CNOT6: variants seen among roughly 807,000 people sequenced by gnomAD.
CNOT6 encodes CCR4-NOT transcription complex subunit 6.
CNOT6 carries 12 observed loss-of-function variants against 61.2 expected under a neutral mutation model. The ratio of observed to expected loss-of-function variants is 0.20; its 90% CI spans 0.13 to 0.32. The LOEUF is 0.32. Ranked by LOEUF, CNOT6 falls within the 10% of genes least tolerant of loss-of-function variation. CNOT6 has a pLI of 1.00. For synonymous variants in CNOT6, 225 were observed against 240.6 expected (o/e 0.94, Z 0.60); for missense variants, 405 against 663.9 (o/e 0.61, Z 4.28).
At chr5:180,532,506 A>G (rs555833676) in intron 2 of CNOT6, among the ~76,000 whole-genome samples, 21 of 152,198 alleles carry the variant, frequency 1.4e-4, no homozygotes, top group African/African-American at 4.6e-4. Flanking sequence ...CCCTCAACCC[A>G]TGTTTTTTCT....
chr5:180,505,422 A>C (rs886801420), intron 1 of CNOT6, among the ~76,000 whole-genome samples: 2 of 132,292 alleles, frequency 1.5e-5, no homozygotes, highest in African/African-American at 5.9e-5. Flanking sequence ...CACCCAGCTA[A>C]TTTTTTTTGT....
At chr5:180,502,481 C>T (rs1252737999) in intron 1 of CNOT6, among the ~76,000 whole-genome samples, 1 of 152,188 alleles carries the variant, frequency 6.6e-6, no homozygotes, top group Non-Finnish European at 1.5e-5. Flanking sequence ...ATGCCATATA[C>T]TAGGTTTGCA....
chr5:180,496,699 C>G (rs1756628707), intron 1 of CNOT6, among the ~76,000 whole-genome samples: 1 of 152,150 alleles, frequency 6.6e-6, no homozygotes, highest in African/African-American at 2.4e-5. Context: ...TGATAACTGT[C>G]ACAACGTAGT....
At chr5:180,520,555 T>A (rs1757834445) in intron 1 of CNOT6, among the ~76,000 whole-genome samples, 2 of 151,878 alleles carry the variant, frequency 1.3e-5, no homozygotes, top group African/African-American at 4.8e-5. Context: ...GGCAGGAGAA[T>A]CGCTTGAACC....
chr5:180,526,857 TA>T (rs1213162884), intron 1 of CNOT6, among the ~76,000 whole-genome samples: 1 of 150,776 alleles, frequency 6.6e-6, no homozygotes, highest in Non-Finnish European at 1.5e-5. Context: ...GACAAGAATT[TA>T]AAAAAATCAC....
chr5:180,544,956 C>G (rs903807710), intron 2 of CNOT6, among the ~76,000 whole-genome samples: 3 of 152,074 alleles, frequency 2.0e-5, no homozygotes, highest in African/African-American at 7.2e-5. Context: ...GAATGAGACC[C>G]TGTCTCAAAA....
At chr5:180,526,018 G>A (rs1013612025) in intron 1 of CNOT6, among the ~76,000 whole-genome samples, 2 of 152,146 alleles carry the variant, frequency 1.3e-5, no homozygotes, top group Admixed American at 1.3e-4. Flanking sequence ...CTGCAGCTTT[G>A]AACTCCTGGA....
intron 1 of CNOT6, among the ~76,000 whole-genome samples, chr5:180,509,096 A>G (rs967817450): frequency 2.0e-5 from 3 of 152,144 alleles, no homozygotes; most frequent in Admixed American, 6.6e-5. Flanking sequence ...CTGTGATTAC[A>G]GGTGTGAGCC....
chr5:180,537,971 T>C (rs903080836), intron 2 of CNOT6, among the ~76,000 whole-genome samples: 10 of 152,054 alleles, frequency 6.6e-5, no homozygotes, highest in Non-Finnish European at 1.5e-4. Context: ...ACCCAGCACT[T>C]TGAGAGGCCA....
Position 180,574,494 on chromosome 5 carries a change from A to G in CNOT6, c.*294A>G. 1 of 436,900 alleles carries G rather than the reference A, an allele frequency of 2.3e-6. No homozygotes were observed. The highest frequency in any genetic ancestry group is 4.2e-6 in the Non-Finnish European group (1 of 238,204). 27.1% of individuals were successfully genotyped at this position (436,900 alleles called of 1,614,324 possible). A position where few individuals can be genotyped will look rare whatever the true frequency, so the allele number is the denominator to read the frequency against. ...CAATAGAATATTTTCATGCCTGGAA[A>G]TAGGAAAATGTGTGAACAGCGTATT... On this transcript the variant is annotated 3_prime_UTR_variant, in exon 12 of 12. Transcript: ENST00000261951.
Position 180,574,147 on chromosome 5 carries a change from T to C in CNOT6, c.1621T>C (p.Leu541=). ...HFSLFAQLEL[L]LPFLPQVNGI... ...CTCACTTTTTGCACAACTGGAGCTC[T>C]TACTGCCTTTCCTGCCCCAAGTCAA... is the stretch of plus-strand genomic sequence containing the variant. Residue 541 remains leucine (L), a synonymous_variant, in exon 12 of 12, where the codon TTA becomes CTA. Coordinates refer to ENST00000261951, the MANE Select transcript of CNOT6 (RefSeq NM_001370472.1). The C allele has an allele frequency of 6.2e-7, 1 of 1,613,952 alleles. No individual in the cohort carries two copies. Among genetic ancestry groups the C allele is most frequent in the Non-Finnish European group, 8.5e-7 (1 of 1,179,872 alleles).
chr5:180,562,057 G>A (rs1364943863), intron 4 of CNOT6, among the ~76,000 whole-genome samples: 2 of 152,114 alleles, frequency 1.3e-5, no homozygotes, highest in Non-Finnish European at 2.9e-5. Context: ...CTTTTGTTGG[G>A]ATTCTTTTGG....
At chr5:180,531,733 G>A (rs182703623) in intron 2 of CNOT6, among the ~76,000 whole-genome samples, 309 of 152,334 alleles carry the variant, frequency 2.0e-3, no homozygotes, top group Middle Eastern at 0.014. Context: ...CTGTAATCCC[G>A]GCACCTCGGG....
At chr5:180,526,498 AAGTC>A (rs377624576) in intron 1 of CNOT6, among the ~76,000 whole-genome samples, 181 of 152,298 alleles carry the variant, frequency 1.2e-3, no homozygotes, top group African/African-American at 3.9e-3. Context: ...TTCACTGCGA[AAGTC>A]AGGTCATCAG....
chr5:180,525,408 G>A (rs781571415), intron 1 of CNOT6, among the ~76,000 whole-genome samples: 2 of 151,886 alleles, frequency 1.3e-5, no homozygotes, highest in Non-Finnish European at 1.5e-5. Context: ...GTGTGGTGGC[G>A]CATGCCTGTA....
rs74421336 is a variant in CNOT6, at chr5:180,545,182, A to G, written c.113-4749A>G. Among the ~76,000 whole-genome samples the G allele has an allele frequency of 7.9e-3, 1,208 of 152,302 alleles. 22 individuals carry two copies. Among genetic ancestry groups the G allele is most frequent in the Middle Eastern group, 0.01 (3 of 294 alleles). On this transcript the variant is annotated intron_variant, in intron 2 of 11. Coordinates refer to ENST00000261951, the MANE Select transcript of CNOT6 (RefSeq NM_001370472.1). The stretch of plus-strand genomic sequence containing the variant: ...TTTACTGAAGTTTAGTTGACATTCA[A>G]AATTGGCGTGTATAAAGTGAATAAT...
At chr5:180,564,920 G>T (rs935176047) in intron 6 of CNOT6, among the ~76,000 whole-genome samples, 177 bp downstream of exon 6, 1 of 152,220 alleles carries the variant, frequency 6.6e-6, no homozygotes, top group South Asian at 2.1e-4. Flanking sequence ...ACTACATTGT[G>T]CTATATAGAA....
intron 1 of CNOT6, among the ~76,000 whole-genome samples, chr5:180,498,171 T>G (rs1051837139): frequency 6.6e-6 from 1 of 152,186 alleles, no homozygotes; most frequent in Non-Finnish European, 1.5e-5. Flanking sequence ...TGGGGGGTTA[T>G]TTGATCCAAG....
intron 1 of CNOT6, among the ~76,000 whole-genome samples, chr5:180,498,162 G>T (rs189717987): frequency 6.6e-6 from 1 of 152,252 alleles, no homozygotes; most frequent in African/African-American, 2.4e-5. Flanking sequence ...TTAGCGAGGT[G>T]GGGGGTTATT....
Sources: allele counts gnomAD v4.1 joint callset (sites outside exome capture counted in the v4.1 genomes callset), GRCh38; gene constraint gnomAD v4.1.1; transcripts MANE v1.5; gene names NCBI Gene and HGNC (gene_info 2026-07-23, HGNC 2026-07-21).